PRR5: variants seen among roughly 807,000 people sequenced by gnomAD.
The protein encoded by PRR5 is proline rich 5, also known as proline-rich protein 5.
PRR5 carries 25 observed loss-of-function variants against 30.6 expected under a neutral mutation model. The ratio of observed to expected loss-of-function variants is 0.82; its 90% confidence interval spans 0.60 to 1.14. The LOEUF (loss-of-function observed/expected upper bound fraction) is 1.14. PRR5 is among the 50% of genes most tolerant of loss of function. The pLI, the probability that PRR5 is intolerant of heterozygous loss-of-function variation, is 0.00. For synonymous variants in PRR5, 286 were observed against 247.1 expected (o/e 1.16, Z -1.48); for missense variants, 600 against 547.1 (o/e 1.10, Z -0.96).
upstream of PRR5, chr22:44,702,142 T>G: frequency 3.7e-6 from 1 of 273,122 alleles, no homozygotes; most frequent in Non-Finnish European, 5.8e-6. Context: ...CCCGCCCCCT[T>G]CCCCGCCCCG....
At chr22:44,690,228 A>AG (rs1406360230) in intron 1 of PRR5, among the ~76,000 whole-genome samples, 28 of 152,320 alleles carry the variant, frequency 1.8e-4, no homozygotes, top group African/African-American at 6.7e-4. Context: ...GCACCGGATC[A>AG]GGGATCCCCA....
At chr22:44,689,234 G>A (rs562768824) in intron 1 of PRR5, among the ~76,000 whole-genome samples, 19 of 152,166 alleles carry the variant, frequency 1.2e-4, no homozygotes, top group East Asian at 3.9e-4. Flanking sequence ...GGACCTTACC[G>A]GATCCTGCCC....
At chr22:44,688,982 TG>T (rs2146963502) in intron 1 of PRR5, among the ~76,000 whole-genome samples, 1 of 152,278 alleles carries the variant, frequency 6.6e-6, no homozygotes, top group Admixed American at 6.5e-5. Flanking sequence ...ATATCTTATG[TG>T]TTATAATATA....
intron 1 of PRR5, among the ~76,000 whole-genome samples, chr22:44,703,552 TTCTGTCTCTGAG>T (rs1250466696): frequency 6.6e-6 from 1 of 152,186 alleles, no homozygotes; most frequent in Non-Finnish European, 1.5e-5. Flanking sequence ...ACGTGGTCTC[TTCTGTCTCTGAG>T]TTGCAAACTG....
intron 4 of PRR5, among the ~76,000 whole-genome samples, chr22:44,727,533 A>G (rs1921066784): frequency 6.6e-6 from 1 of 152,184 alleles, no homozygotes; most frequent in Non-Finnish European, 1.5e-5. Flanking sequence ...TGAAGAAGCC[A>G]CCGTTGTTAG....
At chr22:44,715,159 A>G (rs1928870057) in intron 2 of PRR5, among the ~76,000 whole-genome samples, 1 of 152,162 alleles carries the variant, frequency 6.6e-6, no homozygotes, top group Non-Finnish European at 1.5e-5. Context: ...AGCAGGCTGG[A>G]CACACACCCG....
upstream of PRR5, among the ~76,000 whole-genome samples, chr22:44,701,031 C>A (rs145275329): frequency 4.6e-5 from 7 of 151,260 alleles, no homozygotes; most frequent in East Asian, 1.4e-3. Context: ...TACGGGCATG[C>A]ACCACCACGC....
At chr22:44,672,379 G>A (rs1483849631), upstream of PRR5, among the ~76,000 whole-genome samples, 5 of 152,178 alleles carry the variant, frequency 3.3e-5, no homozygotes, top group Admixed American at 2.6e-4. Context: ...GGGGTCAGGA[G>A]TTCGAGAGCA....
chr22:44,683,487 C>T (rs537428826), intron 1 of PRR5, among the ~76,000 whole-genome samples: 13 of 152,356 alleles, frequency 8.5e-5, no homozygotes, highest in African/African-American at 2.6e-4. Context: ...CAGAAACTGC[C>T]GAGAAGATCT....
intron 4 of PRR5, chr22:44,731,453 C>A (rs1921948856): frequency 1.9e-6 from 1 of 526,980 alleles, no homozygotes; most frequent in African/African-American, 1.9e-5. Flanking sequence ...AGACCCTGAG[C>A]CAAGTTCCCT....
intron 1 of PRR5, among the ~76,000 whole-genome samples, chr22:44,686,894 G>A (rs1397490582): frequency 6.6e-6 from 1 of 152,174 alleles, no homozygotes; most frequent in Non-Finnish European, 1.5e-5. Flanking sequence ...TTACAGGCAT[G>A]AACTACCACA....
chr22:44,708,821 G>T (rs2147045442), intron 1 of PRR5, among the ~76,000 whole-genome samples: 1 of 151,964 alleles, frequency 6.6e-6, no homozygotes, highest in Admixed American at 6.6e-5. Context: ...ACAAAAATTA[G>T]CCCAGCGTGG....
intron 4 of PRR5, among the ~76,000 whole-genome samples, chr22:44,729,060 T>C (rs776686647): frequency 9.9e-5 from 15 of 152,196 alleles, no homozygotes; most frequent in African/African-American, 3.6e-4. Context: ...TTGGGAACTC[T>C]GGGCGGGAGC....
chr22:44,726,484 C>T, intron 3 of PRR5, 93 bp from the exon 4 acceptor site: 1 of 1,584,370 alleles, frequency 6.3e-7, no homozygotes, highest in Non-Finnish European at 8.6e-7. Flanking sequence ...GCCTTGGCTG[C>T]TCACTGGTGG....
At chr22:44,669,611 T>C (rs1923307534) in intron 1 of PRR5, among the ~76,000 whole-genome samples, 1 of 152,204 alleles carries the variant, frequency 6.6e-6, no homozygotes, top group East Asian at 1.9e-4. Context: ...AGCCTGACGC[T>C]TTCTAAGATT....
At chr22:44,696,105 G>A (rs1049669038) in intron 1 of PRR5, among the ~76,000 whole-genome samples, 1 of 151,662 alleles carries the variant, frequency 6.6e-6, no homozygotes, top group African/African-American at 2.4e-5. Context: ...TGTATTTTTA[G>A]TAGAGATGGG....
chr22:44,715,879 C>T (rs929420109), intron 2 of PRR5, among the ~76,000 whole-genome samples: 2 of 152,198 alleles, frequency 1.3e-5, no homozygotes, highest in Admixed American at 1.3e-4. Flanking sequence ...AACTCCTGGG[C>T]TCAAGCCATC....
At position 44,732,842 on chromosome 22, in the gene PRR5, GTGCA is replaced by G. The variant is rs1569111574; in HGVS notation, c.555+452_555+455del. Among the ~76,000 whole-genome samples, 97 of 42,796 alleles carry G rather than the reference GTGCA, an allele frequency of 2.3e-3. 1 individual carries two copies. The South Asian group carries it at 0.039, about 17-fold the overall frequency. 28.1% of individuals were successfully genotyped at this position (42,796 alleles called of 152,430 possible). ...ACGTGTGCACGCACATACTACACAC[GTGCA>G]CACACGTGCACACGCACATACTACA... On this transcript the variant is annotated intron_variant, in intron 6 of 7. Coordinates refer to ENST00000336985, the MANE Select transcript of PRR5 (RefSeq NM_181333.4).
At chr22:44,702,682 A>G (rs1926526512) in intron 1 of PRR5, 74 bp downstream of exon 1, 2 of 1,234,670 alleles carry the variant, frequency 1.6e-6, no homozygotes, top group Non-Finnish European at 2.0e-6. Flanking sequence ...TCCGCGGGCT[A>G]GGGGCCGCCC....
Sources: gnomAD v4.1 joint callset for allele counts (sites outside exome capture counted in the v4.1 genomes callset) on GRCh38, gnomAD v4.1.1 for gene constraint, MANE v1.5 for transcripts, NCBI Gene and HGNC (gene_info 2026-07-23, HGNC 2026-07-21) for gene names.